PCGF3: variants seen among roughly 807,000 people sequenced by gnomAD.
PCGF3 encodes polycomb group ring finger 3.
A neutral mutation model predicts 33.1 loss-of-function variants in PCGF3; 7 were observed. The ratio of observed to expected loss-of-function variants is 0.21; its 90% CI spans 0.12 to 0.40. The LOEUF (loss-of-function observed/expected upper bound fraction) is 0.40, where lower values mean the gene tolerates loss of function less well. Among genes scored for constraint, PCGF3 ranks in the 10% least tolerant of loss-of-function variants. PCGF3 has a pLI of 1.00. For missense variants in PCGF3, 211 were observed against 313.3 expected, an observed-to-expected ratio of 0.67 and a Z score of 2.46; for synonymous variants, 153 against 121.3, an observed-to-expected ratio of 1.26 and a Z score of -1.72.
intron 5 of PCGF3, among the ~76,000 whole-genome samples, chr4:736,883 C>T (rs1209038595): frequency 9.6e-5 from 9 of 93,458 alleles, no homozygotes; most frequent in South Asian, 4.5e-4. Flanking sequence ...ACGCGGGGAA[C>T]CTGGGGTGTC....
chr4:750,624 C>T (rs1247337796), intron 8 of PCGF3, among the ~76,000 whole-genome samples: 1 of 152,034 alleles, frequency 6.6e-6, no homozygotes, highest in Non-Finnish European at 1.5e-5. Context: ...ATTTGTGAGG[C>T]ACTTTGAGGT....
intron 6 of PCGF3, among the ~76,000 whole-genome samples, chr4:742,560 C>T (rs539979143): frequency 6.6e-6 from 1 of 152,374 alleles, no homozygotes; most frequent in South Asian, 2.1e-4. Context: ...CCCACGTCGT[C>T]CACTGTGTCC....
At chr4:736,463 T>C (rs1743825081) in intron 5 of PCGF3, among the ~76,000 whole-genome samples, 1 of 151,786 alleles carries the variant, frequency 6.6e-6, no homozygotes, top group African/African-American at 2.4e-5. Flanking sequence ...GCAGGGACAG[T>C]GTCCCCTGAG....
chr4:756,814 C>A (rs985887351), intron 8 of PCGF3, among the ~76,000 whole-genome samples: 1 of 152,132 alleles, frequency 6.6e-6, no homozygotes, highest in African/African-American at 2.4e-5. Flanking sequence ...AGGGTTAGAT[C>A]GCAGAGGGGC....
intron 1 of PCGF3, chr4:722,475 C>G (rs556231883): frequency 6.8e-6 from 2 of 294,826 alleles, no homozygotes; most frequent in South Asian, 2.6e-5. Flanking sequence ...ACTGAGGCAT[C>G]AGAGACACAT....
At chr4:716,602 T>G (rs1216526642) in intron 1 of PCGF3, among the ~76,000 whole-genome samples, 18 of 127,450 alleles carry the variant, frequency 1.4e-4, no homozygotes, top group Admixed American at 1.4e-3. Context: ...ACACTGAGTG[T>G]GAGAACTGGG....
chr4:753,611 C>T (rs1292610674), intron 8 of PCGF3, among the ~76,000 whole-genome samples: 1 of 151,364 alleles, frequency 6.6e-6, no homozygotes, highest in African/African-American at 2.4e-5. Context: ...CCACTGCACT[C>T]CAGCCTGGGC....
chr4:765,516 G>A (rs908934061), intron 10 of PCGF3, among the ~76,000 whole-genome samples: 2 of 152,190 alleles, frequency 1.3e-5, no homozygotes, highest in African/African-American at 4.8e-5. Context: ...CAACCCCAGA[G>A]CCAGCTTGGA....
chr4:726,890 C>T (rs986364181), intron 1 of PCGF3, among the ~76,000 whole-genome samples: 1 of 152,240 alleles, frequency 6.6e-6, no homozygotes, highest in Non-Finnish European at 1.5e-5. Context: ...AGCTCGGTCC[C>T]CGCAGGCCTC....
At chr4:740,441 C>T (rs1744036893) in intron 6 of PCGF3, among the ~76,000 whole-genome samples, 1 of 152,158 alleles carries the variant, frequency 6.6e-6, no homozygotes, top group South Asian at 2.1e-4. Flanking sequence ...AGTGTCCATT[C>T]TCAGTCTCAG....
At chr4:744,216 A>G (rs1744215351) in intron 7 of PCGF3, among the ~76,000 whole-genome samples, 1 of 152,188 alleles carries the variant, frequency 6.6e-6, no homozygotes, top group African/African-American at 2.4e-5. Context: ...TTTTCATTTT[A>G]AAAGCGGTGT....
intron 1 of PCGF3, among the ~76,000 whole-genome samples, chr4:729,099 C>CAAAA (rs34927260): frequency 2.5e-5 from 1 of 40,262 alleles, no homozygotes; most frequent in Non-Finnish European, 4.0e-5. Flanking sequence ...GACTCCATCT[C>CAAAA]AAAAAAAAAA....
At chr4:728,961 G>T (rs1025403506) in intron 1 of PCGF3, among the ~76,000 whole-genome samples, 13 of 151,934 alleles carry the variant, frequency 8.6e-5, no homozygotes, top group African/African-American at 3.1e-4. Flanking sequence ...TTAACTGGGC[G>T]TGGTGGCGGA....
At chr4:723,125 C>T (rs1175735349) in intron 1 of PCGF3, among the ~76,000 whole-genome samples, 1 of 150,884 alleles carries the variant, frequency 6.6e-6, no homozygotes, top group African/African-American at 2.4e-5. Flanking sequence ...GCCGTCCGTG[C>T]CGGGTCCACA....
intron 8 of PCGF3, among the ~76,000 whole-genome samples, chr4:748,643 G>A (rs1744376519): frequency 6.6e-6 from 1 of 152,342 alleles, no homozygotes; most frequent in Middle Eastern, 3.4e-3. Context: ...GGGGTCCGGA[G>A]GGGCAGGAAG....
chr4:748,618 G>T (rs907566167), intron 8 of PCGF3, among the ~76,000 whole-genome samples: 1 of 152,188 alleles, frequency 6.6e-6, no homozygotes, highest in East Asian at 1.9e-4. Context: ...AGAGAAGAGC[G>T]GCCAGTTCAG....
At chr4:753,816 T>C (rs1744641837) in intron 8 of PCGF3, among the ~76,000 whole-genome samples, 3 of 151,484 alleles carry the variant, frequency 2.0e-5, no homozygotes, top group South Asian at 4.2e-4. Context: ...GGCATGGTGG[T>C]GGGTGCCTGT....
At chr4:768,989 A>T (rs1025374075) in exon 11 of PCGF3, 2 of 152,696 alleles carry the variant, frequency 1.3e-5, no homozygotes, top group Admixed American at 1.3e-4. Flanking sequence ...GAATTCCAAA[A>T]TATGTACATT....
chr4:725,358 G>A (rs1412974266), intron 1 of PCGF3: 1 of 153,818 alleles, frequency 6.5e-6, no homozygotes, highest in African/African-American at 2.4e-5. Flanking sequence ...GATAAATTAA[G>A]ACCTAATGAG....
Sources: allele counts gnomAD v4.1 joint callset (sites outside exome capture counted in the v4.1 genomes callset), GRCh38; gene constraint gnomAD v4.1.1; transcripts MANE v1.5; gene names NCBI Gene and HGNC (gene_info 2026-07-23, HGNC 2026-07-21).